AGAP1: variants seen among roughly 807,000 people sequenced by gnomAD.
The protein encoded by AGAP1 is ArfGAP with GTPase domain, ankyrin repeat and PH domain 1.
Under a neutral mutation model 105.3 loss-of-function variants are expected in AGAP1, and 29 were observed. The ratio of observed to expected loss-of-function variants is 0.28; its 90% CI spans 0.21 to 0.38. The LOEUF (loss-of-function observed/expected upper bound fraction) is 0.38, where lower values mean the gene tolerates loss of function less well. Among genes scored for constraint, AGAP1 ranks in the 10% least tolerant of loss-of-function variants. AGAP1 has a pLI of 1.00. For synonymous variants in AGAP1, 509 were observed against 485.9 expected (o/e 1.05, Z -0.63); for missense variants, 998 against 1,165.1 (o/e 0.86, Z 2.09).
intron 10 of AGAP1, among the ~76,000 whole-genome samples, chr2:235,886,762 A>G (rs909597423): frequency 6.6e-6 from 1 of 152,228 alleles, no homozygotes; most frequent in Admixed American, 6.5e-5. Flanking sequence ...GATTTGAATC[A>G]CTAGAGCCTG....
rs1023461785 is a variant in AGAP1 at position 235,889,927 on chromosome 2, G to A, written c.1155+6478G>A. Among the ~76,000 whole-genome samples the A allele has an allele frequency of 9.3e-5, 14 of 150,870 alleles. No homozygotes were observed. The highest frequency in any genetic ancestry group is 2.7e-4 in the African/African-American group (11 of 40,360). ...GAAAGCTCCATGAAAGTTTATGCCA[G>A]TGATAACCTCCAGGCCCCAGATCTG... On this transcript the variant is annotated intron_variant, in intron 10 of 17. Transcript: ENST00000304032. This position sits in a 1 kb window ranked among gnomAD's most constrained non-coding sequence, Gnocchi z 4.6.
chr2:235,894,579 T>C (rs2050706389), intron 10 of AGAP1, among the ~76,000 whole-genome samples: 1 of 151,786 alleles, frequency 6.6e-6, no homozygotes, highest in Non-Finnish European at 1.5e-5. Context: ...CATAGGACCA[T>C]ACATACATCA....
Position 236,036,474 on chromosome 2 carries a change from C to G in AGAP1, c.1646-87C>G. 6.5e-7 allele frequency: 1 copy of G among 1,544,094 alleles called. No homozygotes were observed. On this transcript the variant is annotated intron_variant, in intron 13 of 17. Transcript: ENST00000304032. The surrounding 1 kb of genome is among the most constrained non-coding windows in gnomAD (Gnocchi z 5.7). Reference sequence around the variant, plus strand: ...ACCGGTCCATGCAGGGGCAGCTGAACCCAGAGGCGCTTCTGTGACAGAGGG... The same window carrying G: ...ACCGGTCCATGCAGGGGCAGCTGAAGCCAGAGGCGCTTCTGTGACAGAGGG...
rs1027009913 is a variant in AGAP1, at chr2:236,020,205, A to T, written c.1646-16356A>T. 6.6e-6 allele frequency among the ~76,000 whole-genome samples: 1 copy of T among 152,268 alleles called. No individual in the cohort carries two copies. Among genetic ancestry groups the T allele is most frequent in the African/African-American group, 2.4e-5 (1 of 41,554 alleles). On this transcript the variant is annotated intron_variant, in intron 13 of 17. Transcript: ENST00000304032. This position sits in a 1 kb window ranked among gnomAD's most constrained non-coding sequence, Gnocchi z 5.0. ...TGGGGAGGAGTCAGCAAGCTAACAT[A>T]CCTAGAGATGTGGAACATGGCCCCT...
intron 9 of AGAP1, chr2:235,853,035 C>T: frequency 1.3e-5 from 16 of 1,243,674 alleles, no homozygotes; most frequent in Admixed American, 4.2e-5. Flanking sequence ...ACAAAAGACC[C>T]CTTAATTTCT....
In AGAP1 at chr2:235,752,498, C is replaced by T. The variant is rs551573039; in HGVS notation, c.673+2010C>T. Among the ~76,000 whole-genome samples, 1 of 152,054 alleles carries T rather than the reference C, an allele frequency of 6.6e-6. No homozygotes were observed. The highest frequency in any genetic ancestry group is 2.4e-5 in the African/African-American group (1 of 41,406). Reference sequence around the variant, plus strand: ...CTGGCTGTAAATAGACTTTTCATGACGCAGAGCCACGCTTTGTGTCGATGG... The same window carrying T: ...CTGGCTGTAAATAGACTTTTCATGATGCAGAGCCACGCTTTGTGTCGATGG... On this transcript the variant is annotated intron_variant, in intron 6 of 17. Coordinates refer to ENST00000304032, the MANE Select transcript of AGAP1 (RefSeq NM_001037131.3). The surrounding 1 kb of genome is among the most constrained non-coding windows in gnomAD (Gnocchi z 4.3).
At chr2:236,085,302 A>AG (rs1468462440) in intron 16 of AGAP1, among the ~76,000 whole-genome samples, 1 of 151,336 alleles carries the variant, frequency 6.6e-6, no homozygotes, top group Non-Finnish European at 1.5e-5. Context: ...AAGGGGTGGT[A>AG]GGGGGGCAGT....
rs574297774 is a variant in AGAP1, at chr2:235,866,798, C to T, written c.1051-16547C>T. Among the ~76,000 whole-genome samples, 1 of 152,324 alleles carries T rather than the reference C, an allele frequency of 6.6e-6. No individual in the cohort carries two copies. The highest frequency in any genetic ancestry group is 1.9e-4 in the East Asian group (1 of 5,170). On this transcript the variant is annotated intron_variant, in intron 9 of 17. Coordinates refer to ENST00000304032, the MANE Select transcript of AGAP1 (RefSeq NM_001037131.3). The surrounding 1 kb of genome is among the most constrained non-coding windows in gnomAD (Gnocchi z 6.1). The stretch of plus-strand genomic sequence containing the variant: ...GACAGCCATCTTCTCCCTGTGTCTT[C>T]ACGTGGTCTTTCTCCGTGAGTGTCT...
At chr2:235,812,610 G>A (rs1420557933) in intron 9 of AGAP1, among the ~76,000 whole-genome samples, 2 of 152,196 alleles carry the variant, frequency 1.3e-5, no homozygotes, top group Non-Finnish European at 2.9e-5. Flanking sequence ...CTGCTTCACC[G>A]GCGTGTGCTG....
chr2:235,753,768 T>A lies in AGAP1; in HGVS notation c.673+3280T>A, dbSNP rs569074513. Among the ~76,000 whole-genome samples the A allele has an allele frequency of 7.9e-5, 12 of 152,128 alleles. No homozygotes were observed. ...AGCAAATACCTGTGAAGCTACAACT[T>A]CCGTGACTATTGCGATTTTTTTGTC... On this transcript the variant is annotated intron_variant, in intron 6 of 17. Coordinates refer to ENST00000304032, the MANE Select transcript of AGAP1 (RefSeq NM_001037131.3). This position sits in a 1 kb window ranked among gnomAD's most constrained non-coding sequence, Gnocchi z 4.5.
intron 16 of AGAP1, among the ~76,000 whole-genome samples, chr2:236,079,955 A>G (rs1481757201): frequency 6.6e-6 from 1 of 152,244 alleles, no homozygotes; most frequent in East Asian, 1.9e-4. Context: ...CTTCAGGGTC[A>G]GAGACAAAGA....
chr2:235,683,261 G>A (rs1212013607), intron 1 of AGAP1, among the ~76,000 whole-genome samples: 1 of 151,962 alleles, frequency 6.6e-6, no homozygotes, highest in African/African-American at 2.4e-5. Flanking sequence ...AGCTGAGATC[G>A]CACCACTGCA....
At chr2:235,503,829 C>G (rs1290661262) in intron 1 of AGAP1, among the ~76,000 whole-genome samples, 1 of 152,200 alleles carries the variant, frequency 6.6e-6, no homozygotes, top group Non-Finnish European at 1.5e-5. Flanking sequence ...ATTCTGGACT[C>G]AAGCAATCCA....
At chr2:235,722,020 G>A (rs537048235) in intron 3 of AGAP1, among the ~76,000 whole-genome samples, 5 of 152,330 alleles carry the variant, frequency 3.3e-5, no homozygotes, top group Admixed American at 2.6e-4. Flanking sequence ...ATGAGGGAAG[G>A]ATGTAAATAC....
At position 235,769,157 on chromosome 2, in the gene AGAP1, G is replaced by C. The variant is rs191595774; in HGVS notation, c.673+18669G>C. 6.6e-6 allele frequency among the ~76,000 whole-genome samples: 1 copy of C among 152,070 alleles called. No individual in the cohort carries two copies. Among genetic ancestry groups the C allele is most frequent in the African/African-American group, 2.4e-5 (1 of 41,406 alleles). On this transcript the variant is annotated intron_variant, in intron 6 of 17. Coordinates refer to ENST00000304032, the MANE Select transcript of AGAP1 (RefSeq NM_001037131.3). The surrounding 1 kb of genome is among the most constrained non-coding windows in gnomAD (Gnocchi z 4.4). The stretch of plus-strand genomic sequence containing the variant: ...TCTGGGTTCTTAGTGCCCGTCCCCC[G>C]TAGCTCCGTCACACAGTCCTGTTGC...
At chr2:235,603,110 G>A (rs2149239147) in intron 1 of AGAP1, among the ~76,000 whole-genome samples, 1 of 152,288 alleles carries the variant, frequency 6.6e-6, no homozygotes, top group Middle Eastern at 3.4e-3. Context: ...CCCAGTGGGG[G>A]ATAATTGAAT....
At chr2:235,515,452 A>T (rs1287423997) in intron 1 of AGAP1, among the ~76,000 whole-genome samples, 1 of 152,204 alleles carries the variant, frequency 6.6e-6, no homozygotes, top group Non-Finnish European at 1.5e-5. Flanking sequence ...AACACTGAAA[A>T]GGTTCTCTGA....
chr2:236,114,753 AC>A lies in AGAP1; in HGVS notation c.2115-5435del, dbSNP rs2125952123. 6.6e-6 allele frequency among the ~76,000 whole-genome samples: 1 copy of A among 152,186 alleles called. No individual in the cohort carries two copies. The highest frequency in any genetic ancestry group is 2.4e-5 in the African/African-American group (1 of 41,492). ...TTTAACCTTAATTCTCTTCCTGAAG[AC>A]CCCATCTCCACATACAGCAACATTG... is the stretch of plus-strand genomic sequence containing the variant. On this transcript the variant is annotated intron_variant, in intron 16 of 17. Transcript: ENST00000304032. This position sits in a 1 kb window ranked among gnomAD's most constrained non-coding sequence, Gnocchi z 5.0.
chr2:235,690,144 C>T lies in AGAP1; in HGVS notation c.164-19035C>T, dbSNP rs1949670723. Among the ~76,000 whole-genome samples, 1 of 152,030 alleles carries T rather than the reference C, an allele frequency of 6.6e-6. No individual in the cohort carries two copies. ...GTCCCCAGGTTCCCCTCTCCCCCTA[C>T]CTGAGGTACTGAGGGATCTCACTTG... On this transcript the variant is annotated intron_variant, in intron 1 of 17. Transcript: ENST00000304032. The surrounding 1 kb of genome is among the most constrained non-coding windows in gnomAD (Gnocchi z 4.1).
Sources: allele counts gnomAD v4.1 joint callset (sites outside exome capture counted in the v4.1 genomes callset), GRCh38; gene constraint gnomAD v4.1.1; non-coding constraint Gnocchi (gnomAD v3.1); transcripts MANE v1.5; gene names NCBI Gene and HGNC (gene_info 2026-07-23, HGNC 2026-07-21).